The following SUZ12 variants were observed in gnomAD, a reference collection of about 807,000 sequenced individuals.
SUZ12 encodes the protein polycomb protein SUZ12.
Under a neutral mutation model 87.3 loss-of-function variants are expected in SUZ12, and 17 were observed. That is an observed-to-expected ratio of 0.19 (90% confidence interval 0.13 to 0.29). The LOEUF (loss-of-function observed/expected upper bound fraction) is 0.29, where lower values mean the gene tolerates loss of function less well. SUZ12 is among the 10% of genes least tolerant of loss of function. The pLI is 1.00. For missense variants in SUZ12, 526 were observed against 912.2 expected, an observed-to-expected ratio of 0.58 and a Z score of 5.45; for synonymous variants, 253 against 312.4, an observed-to-expected ratio of 0.81 and a Z score of 2.01.
intron 8 of SUZ12, among the ~76,000 whole-genome samples, chr17:31,982,573 C>T (rs966252261): frequency 2.0e-5 from 3 of 152,108 alleles, no homozygotes; most frequent in East Asian, 1.9e-4. Flanking sequence ...GCAGGAGAAT[C>T]GCTTGAACCT....
chr17:31,985,298 A>G (rs569823355), intron 9 of SUZ12, among the ~76,000 whole-genome samples: 7 of 152,156 alleles, frequency 4.6e-5, no homozygotes, highest in African/African-American at 1.4e-4. Context: ...ACTTGTTAAC[A>G]AAAGATGTAG....
intron 4 of SUZ12, among the ~76,000 whole-genome samples, chr17:31,958,296 A>G (rs1465670176): frequency 6.6e-6 from 1 of 151,778 alleles, no homozygotes; most frequent in African/African-American, 2.4e-5. Context: ...TTGTCCTCCT[A>G]AAGTGTTAGG....
chr17:31,995,682 T>A lies in SUZ12; in HGVS notation c.1714T>A (p.Leu572Ile). The change falls in exon 14 of 16, where the codon TTA becomes ATA. Residue 572 changes from leucine (L) to isoleucine (I), a missense_variant. Physicochemically the swap from Leu to Ile is conservative, Grantham distance 5. Transcript: ENST00000322652. ...TCTGTATTTCCATAGTGATACCTGC[T>A]TACCTCTCCGTCCACAAGAAATGGA... ...NRLYFHSDTCLPLRPQEMEVD... is the reference protein window; with the variant it reads ...NRLYFHSDTCIPLRPQEMEVD... 1 of 1,614,078 alleles carries A rather than the reference T, an allele frequency of 6.2e-7. No homozygotes were observed. Among genetic ancestry groups the A allele is most frequent in the Non-Finnish European group, 8.5e-7 (1 of 1,179,980 alleles).
chr17:31,963,488 GTATTTTT>G (rs1161387972), intron 4 of SUZ12, among the ~76,000 whole-genome samples: 4 of 115,080 alleles, frequency 3.5e-5, no homozygotes, highest in African/African-American at 9.8e-5. Flanking sequence ...TGGTTCTTAG[GTATTTTT>G]TTTGTTTTGT....
At chr17:31,940,156 A>G (rs1231926110) in intron 1 of SUZ12, 130 bp from the exon 2 acceptor site, 5 of 1,314,162 alleles carry the variant, frequency 3.8e-6, no homozygotes, top group Non-Finnish European at 5.1e-6. Flanking sequence ...GTAAATATTT[A>G]GTGCGATATA....
intron 12 of SUZ12, 54 bp downstream of exon 12, chr17:31,994,062 A>G: frequency 6.4e-7 from 1 of 1,552,650 alleles, no homozygotes; most frequent in Non-Finnish European, 8.7e-7. Context: ...CTTGTACCCC[A>G]TAAATATATA....
chr17:31,992,412 T>G (rs1330036451), intron 10 of SUZ12, among the ~76,000 whole-genome samples: 1 of 152,096 alleles, frequency 6.6e-6, no homozygotes, highest in Non-Finnish European at 1.5e-5. Context: ...TTGTTTTTGT[T>G]TCTGTTTTCC....
intron 3 of SUZ12, among the ~76,000 whole-genome samples, chr17:31,941,498 C>T (rs1906277486): frequency 6.6e-6 from 1 of 151,334 alleles, no homozygotes; most frequent in East Asian, 2.0e-4. Context: ...CTCAGGTGAT[C>T]CACCCGCCTC....
chr17:31,962,585 T>C (rs1252090630), intron 4 of SUZ12, among the ~76,000 whole-genome samples: 6 of 152,222 alleles, frequency 3.9e-5, no homozygotes, highest in Admixed American at 1.3e-4. Flanking sequence ...AACGAGACCC[T>C]GTCTGAAAGC....
intron 12 of SUZ12, 128 bp downstream of exon 12, chr17:31,994,136 A>G: frequency 1.2e-6 from 1 of 851,672 alleles, no homozygotes; most frequent in Non-Finnish European, 1.7e-6. Flanking sequence ...TAAGTACAAG[A>G]TAGCATGACT....
At chr17:31,985,599 T>C (rs887177561) in intron 9 of SUZ12, among the ~76,000 whole-genome samples, 54 of 152,098 alleles carry the variant, frequency 3.6e-4, no homozygotes, top group African/African-American at 1.3e-3. Flanking sequence ...TTTTTATTCA[T>C]GAGACTATAA....
chr17:31,957,009 C>G, intron 4 of SUZ12, among the ~76,000 whole-genome samples: 1 of 152,178 alleles, frequency 6.6e-6, no homozygotes, highest in Non-Finnish European at 1.5e-5. Flanking sequence ...TTCCTGACCT[C>G]AAGTGATCCA....
rs1463165421 is a variant in SUZ12, at chr17:31,999,058, A to G, written c.*55A>G. 4 of 1,384,800 alleles carry G rather than the reference A, an allele frequency of 2.9e-6. No homozygotes were observed. The African/African-American group carries it at 4.3e-5, about 15-fold the overall frequency. The allele number at this position is 1,384,800 out of a possible 1,614,324, so 85.8% of individuals were successfully genotyped here. A position where few individuals can be genotyped will look rare whatever the true frequency, so the allele number is the denominator to read the frequency against. On this transcript the variant is annotated 3_prime_UTR_variant, in exon 16 of 16. Transcript: ENST00000322652. ...ACTGAAATTACATTTTAGGGAATTC[A>G]TCCTCTAAGAATTATGTTTTTGTTT...
chr17:31,976,619 T>C lies in SUZ12; in HGVS notation c.917+5T>C. The C allele has an allele frequency of 6.2e-7, 1 of 1,601,550 alleles. No homozygotes were observed. Among genetic ancestry groups the C allele is most frequent in the Non-Finnish European group, 8.5e-7 (1 of 1,170,566 alleles). ...GACAGTATTTGATAAAAACAGGTAA[T>C]GTTGATGAACAAGTGAGGCTCCCAC... On this transcript the variant is annotated splice_donor_5th_base_variant and intron_variant, in intron 8 of 15. Coordinates refer to ENST00000322652, the MANE Select transcript of SUZ12 (RefSeq NM_015355.4).
At chr17:31,955,171 G>A (rs1051897731) in intron 4 of SUZ12, among the ~76,000 whole-genome samples, 1 of 152,052 alleles carries the variant, frequency 6.6e-6, no homozygotes, top group Admixed American at 6.6e-5. Flanking sequence ...GTGTGATCAT[G>A]GCTCAACTAC....
At chr17:31,998,359 G>GT (rs1384022537) in intron 15 of SUZ12, among the ~76,000 whole-genome samples, 1 of 151,936 alleles carries the variant, frequency 6.6e-6, no homozygotes, top group Non-Finnish European at 1.5e-5. Context: ...AATTACAGGC[G>GT]TAATTACCTG....
intron 4 of SUZ12, among the ~76,000 whole-genome samples, chr17:31,957,633 A>G (rs1489148147): frequency 6.6e-6 from 1 of 151,718 alleles, no homozygotes; most frequent in Admixed American, 6.6e-5. Flanking sequence ...CTGGTCTCGA[A>G]TTCCTGACTT....
chr17:31,992,699 C>T (rs920294417), intron 10 of SUZ12, among the ~76,000 whole-genome samples: 3 of 152,074 alleles, frequency 2.0e-5, no homozygotes, highest in Non-Finnish European at 1.5e-5. Context: ...TGTGAGCCAC[C>T]GCGCCCGGCC....
intron 8 of SUZ12, among the ~76,000 whole-genome samples, chr17:31,979,768 T>A (rs1204472313): frequency 6.6e-6 from 1 of 152,206 alleles, no homozygotes; most frequent in African/African-American, 2.4e-5. Flanking sequence ...TAAATCAGCA[T>A]ATAATTCTTA....
Sources: gnomAD v4.1 joint callset for allele counts (sites outside exome capture counted in the v4.1 genomes callset) on GRCh38, gnomAD v4.1.1 for gene constraint, MANE v1.5 for transcripts, NCBI Gene and HGNC (gene_info 2026-07-23, HGNC 2026-07-21) for gene names.